PIBF1: variants seen among roughly 807,000 people sequenced by gnomAD.
PIBF1 encodes progesterone immunomodulatory binding factor 1, also known as progesterone-induced-blocking factor 1.
PIBF1 carries 90 observed loss-of-function variants against 112.5 expected under a neutral mutation model. The ratio of observed to expected loss-of-function variants is 0.80; its 90% CI spans 0.67 to 0.95. The LOEUF (loss-of-function observed/expected upper bound fraction) is 0.95. PIBF1 is among the 40% of genes least tolerant of loss of function. The pLI is 0.00. For missense variants in PIBF1, 915 were observed against 852.3 expected (o/e 1.07, Z -0.92); for synonymous variants, 301 against 288.6 (o/e 1.04, Z -0.44).
chr13:72,952,683 G>A (rs1427341311), intron 14 of PIBF1, among the ~76,000 whole-genome samples: 9 of 147,382 alleles, frequency 6.1e-5, no homozygotes, highest in Non-Finnish European at 1.3e-4. Flanking sequence ...GTGACTTTAT[G>A]GTTTCTTAGC....
At chr13:72,985,235 T>C (rs2043247917) in intron 16 of PIBF1, among the ~76,000 whole-genome samples, 1 of 151,894 alleles carries the variant, frequency 6.6e-6, no homozygotes, top group Non-Finnish European at 1.5e-5. Context: ...TCTGAAAATA[T>C]TTGGTGGCCA....
rs2138657680 is a variant in PIBF1, at chr13:72,908,814, C to A, written c.1639+133C>A. On this transcript the variant is annotated intron_variant, in intron 12 of 17. Coordinates refer to ENST00000326291, the MANE Select transcript of PIBF1 (RefSeq NM_006346.4). ...CTGTAATCTTAGCACTTTGGGCGGC[C>A]AAGGTGGGCAAATCACTTGAGGTCA... The A allele has an allele frequency of 4.6e-6, 3 of 646,142 alleles. No individual in the cohort carries two copies. The East Asian group carries it at 9.8e-5, about 21-fold the overall frequency. 40.0% of individuals were successfully genotyped at this position (646,142 alleles called of 1,614,324 possible).
chr13:72,985,099 C>T (rs181889147), intron 16 of PIBF1, among the ~76,000 whole-genome samples: 2 of 152,154 alleles, frequency 1.3e-5, no homozygotes, highest in East Asian at 1.9e-4. Context: ...TCATTTCTAA[C>T]CCTGTGCTTA....
intron 10 of PIBF1, among the ~76,000 whole-genome samples, chr13:72,888,414 A>G (rs2039938851): frequency 6.6e-6 from 1 of 152,178 alleles, no homozygotes; most frequent in Admixed American, 6.6e-5. Flanking sequence ...TTAGAGTTGC[A>G]TTTTAAATTG....
intron 13 of PIBF1, among the ~76,000 whole-genome samples, chr13:72,928,008 TATATATAC>T (rs1490291613): frequency 7.0e-4 from 48 of 68,878 alleles, no homozygotes; most frequent in African/African-American, 2.8e-3. Context: ...TATATATACA[TATATATAC>T]ATATATATAC....
intron 14 of PIBF1, among the ~76,000 whole-genome samples, chr13:72,948,782 C>T (rs931731075): frequency 3.9e-5 from 6 of 152,082 alleles, no homozygotes; most frequent in African/African-American, 1.2e-4. Context: ...CTTCACATGG[C>T]GGCAGCAAGG....
intron 2 of PIBF1, 61 bp downstream of exon 2, chr13:72,783,782 TAAG>T (rs2034436918): frequency 2.1e-6 from 3 of 1,432,328 alleles, no homozygotes; most frequent in East Asian, 4.6e-5. Flanking sequence ...GGCAGGTAAA[TAAG>T]AATTAAATAC....
At chr13:72,962,551 G>T (rs557686851) in intron 14 of PIBF1, among the ~76,000 whole-genome samples, 10 of 150,846 alleles carry the variant, frequency 6.6e-5, no homozygotes, top group Non-Finnish European at 1.5e-4. Context: ...GAGCCATGAT[G>T]TTGCCACTGC....
chr13:72,934,856 A>G, intron 14 of PIBF1, among the ~76,000 whole-genome samples: 1 of 152,128 alleles, frequency 6.6e-6, no homozygotes, highest in Non-Finnish European at 1.5e-5. Context: ...ATATCTCCCC[A>G]AAAGTTTCCA....
intron 9 of PIBF1, among the ~76,000 whole-genome samples, chr13:72,846,436 C>T (rs2037883969): frequency 6.6e-6 from 1 of 152,200 alleles, no homozygotes; most frequent in African/African-American, 2.4e-5. Flanking sequence ...TCCTCGCCCT[C>T]TCCAGTCTCT....
At chr13:72,798,698 T>C (rs1478615201) in intron 5 of PIBF1, among the ~76,000 whole-genome samples, 4 of 152,160 alleles carry the variant, frequency 2.6e-5, no homozygotes, top group Non-Finnish European at 5.9e-5. Flanking sequence ...CTTGTAGTTA[T>C]AGTCTACTAA....
intron 16 of PIBF1, among the ~76,000 whole-genome samples, chr13:72,991,951 C>G (rs1047514751): frequency 5.3e-5 from 8 of 152,130 alleles, no homozygotes; most frequent in Non-Finnish European, 8.8e-5. Flanking sequence ...ATCTCCTGAC[C>G]TCGTGATCCA....
intron 10 of PIBF1, among the ~76,000 whole-genome samples, chr13:72,878,390 T>G (rs555932408): frequency 2.0e-5 from 3 of 152,248 alleles, no homozygotes; most frequent in Non-Finnish European, 4.4e-5. Context: ...TCTTCTTTGA[T>G]GTATGTGTCA....
intron 5 of PIBF1, among the ~76,000 whole-genome samples, chr13:72,809,299 A>G (rs752817143): frequency 6.6e-6 from 1 of 151,800 alleles, no homozygotes; most frequent in Admixed American, 6.6e-5. Context: ...ATCTTTTTCT[A>G]GTAAAATTTA....
intron 10 of PIBF1, among the ~76,000 whole-genome samples, chr13:72,866,017 G>A (rs918330987): frequency 4.6e-5 from 7 of 152,162 alleles, no homozygotes; most frequent in African/African-American, 7.2e-5. Flanking sequence ...TGTCTCCTAA[G>A]GCTCTAGGGG....
intron 14 of PIBF1, among the ~76,000 whole-genome samples, chr13:72,939,080 C>A (rs920691677): frequency 6.6e-6 from 1 of 152,168 alleles, no homozygotes; most frequent in Non-Finnish European, 1.5e-5. Flanking sequence ...TTATCCAATA[C>A]ATGATTTGCG....
chr13:72,921,795 A>G (rs894147497), intron 13 of PIBF1, among the ~76,000 whole-genome samples: 10 of 152,152 alleles, frequency 6.6e-5, no homozygotes, highest in African/African-American at 1.9e-4. Flanking sequence ...AGTAAGTGCT[A>G]GGTCGTTACA....
At chr13:72,967,752 T>C (rs971627438) in intron 15 of PIBF1, among the ~76,000 whole-genome samples, 1 of 152,176 alleles carries the variant, frequency 6.6e-6, no homozygotes, top group Admixed American at 6.6e-5. Context: ...TCTGAAATAT[T>C]CTATAATAAA....
intron 16 of PIBF1, among the ~76,000 whole-genome samples, chr13:72,998,381 A>G (rs2043749028): frequency 6.6e-6 from 1 of 152,108 alleles, no homozygotes; most frequent in Non-Finnish European, 1.5e-5. Flanking sequence ...GCACTGAGGC[A>G]GGAGGATGGC....
Sources: gnomAD v4.1 joint callset for allele counts (sites outside exome capture counted in the v4.1 genomes callset) on GRCh38, gnomAD v4.1.1 for gene constraint, MANE v1.5 for transcripts, NCBI Gene and HGNC (gene_info 2026-07-23, HGNC 2026-07-21) for gene names.